The following SWAP70 variants were observed in gnomAD, a reference collection of about 807,000 sequenced individuals.
SWAP70 encodes the protein switching B cell complex subunit SWAP70.
A neutral mutation model predicts 80.2 loss-of-function variants in SWAP70; 34 were observed. The observed-to-expected ratio is 0.42, with a 90% confidence interval of 0.32 to 0.56. SWAP70 has a LOEUF of 0.56. Among genes scored for constraint, SWAP70 ranks in the 20% least tolerant of loss-of-function variants. SWAP70 has a pLI of 0.09. For missense variants in SWAP70, 578 were observed against 690.7 expected (o/e 0.84, Z 1.83); for synonymous variants, 239 against 238.5 (o/e 1.00, Z -0.02).
At chr11:9,716,569 T>C (rs1851068912) in intron 3 of SWAP70, among the ~76,000 whole-genome samples, 1 of 152,184 alleles carries the variant, frequency 6.6e-6, no homozygotes, top group East Asian at 1.9e-4. Context: ...TCTGTGAGGA[T>C]TGAAAAAGTT....
chr11:9,712,829 C>T (rs909694820), intron 2 of SWAP70, among the ~76,000 whole-genome samples: 5 of 151,436 alleles, frequency 3.3e-5, no homozygotes, highest in Non-Finnish European at 7.4e-5. Flanking sequence ...ACCTCCGCCT[C>T]CCGGGTTCAG....
chr11:9,667,648 A>G (rs937006970), intron 1 of SWAP70, among the ~76,000 whole-genome samples: 1 of 150,078 alleles, frequency 6.7e-6, no homozygotes, highest in Admixed American at 6.6e-5. Context: ...ATGCAGCCTC[A>G]ACCTCCTGGG....
intron 7 of SWAP70, among the ~76,000 whole-genome samples, chr11:9,733,494 T>G (rs1323358632): frequency 6.6e-6 from 1 of 152,234 alleles, no homozygotes; most frequent in African/African-American, 2.4e-5. Context: ...CCACATTGTG[T>G]GCTGAACTTC....
intron 1 of SWAP70, among the ~76,000 whole-genome samples, chr11:9,685,560 C>T (rs187444490): frequency 1.1e-4 from 17 of 152,144 alleles, no homozygotes; most frequent in East Asian, 5.8e-4. Context: ...TCCCTTCAAC[C>T]TCTTTTATAA....
intron 3 of SWAP70, among the ~76,000 whole-genome samples, chr11:9,719,824 G>A (rs1490938907): frequency 6.6e-6 from 1 of 152,126 alleles, no homozygotes; most frequent in Non-Finnish European, 1.5e-5. Context: ...TGGAAGAATT[G>A]CCTTGATGCA....
At chr11:9,667,887 G>A (rs909160703) in intron 1 of SWAP70, among the ~76,000 whole-genome samples, 5 of 152,118 alleles carry the variant, frequency 3.3e-5, no homozygotes, top group African/African-American at 1.2e-4. Context: ...TACTATTACT[G>A]TTGTATTTTT....
chr11:9,730,391 C>T lies in SWAP70; in HGVS notation c.898+940C>T, dbSNP rs555448284. Among the ~76,000 whole-genome samples the T allele has an allele frequency of 2.7e-5, 4 of 150,286 alleles. No individual in the cohort carries two copies. In the East Asian group the frequency reaches 8.0e-4, roughly 30 times the overall value. On this transcript the variant is annotated intron_variant, in intron 6 of 11. Coordinates refer to ENST00000318950, the MANE Select transcript of SWAP70 (RefSeq NM_015055.4). The stretch of plus-strand genomic sequence containing the variant: ...TGTTTATGGGTTATTTCAAGAAATA[C>T]TTCAAGATAATAGCCTCCAGTTCTA...
At chr11:9,694,098 A>G (rs772166005) in intron 1 of SWAP70, 48 bp from the exon 2 acceptor site, 5 of 1,517,188 alleles carry the variant, frequency 3.3e-6, no homozygotes, top group Non-Finnish European at 4.4e-6. Context: ...TGAAGGTGTC[A>G]TGTGCTGGTT....
intron 2 of SWAP70, among the ~76,000 whole-genome samples, chr11:9,703,097 A>G (rs552052596): frequency 6.6e-6 from 1 of 152,198 alleles, no homozygotes; most frequent in South Asian, 2.1e-4. Flanking sequence ...CCTCTCCCCT[A>G]TAGCTCTAGG....
intron 3 of SWAP70, 144 bp downstream of exon 3, chr11:9,713,783 T>C (rs1164591459): frequency 2.1e-6 from 2 of 953,256 alleles, no homozygotes; most frequent in Admixed American, 2.4e-5. Context: ...AGCCTGAGTA[T>C]AGAAAAGCTC....
At chr11:9,670,708 G>T (rs1041129877) in intron 1 of SWAP70, among the ~76,000 whole-genome samples, 1 of 151,822 alleles carries the variant, frequency 6.6e-6, no homozygotes, top group African/African-American at 2.4e-5. Flanking sequence ...AGGAAAACAT[G>T]GTCTCATACC....
chr11:9,741,870 G>T (rs1590048362), intron 9 of SWAP70: 1 of 143,908 alleles, frequency 6.9e-6, no homozygotes, highest in Admixed American at 7.3e-5. Flanking sequence ...TTGGGAGGCC[G>T]AGGCTGGAGG....
At chr11:9,682,146 T>C (rs1186049787) in intron 1 of SWAP70, among the ~76,000 whole-genome samples, 1 of 152,174 alleles carries the variant, frequency 6.6e-6, no homozygotes, top group Non-Finnish European at 1.5e-5. Context: ...TGACAGGACC[T>C]GAGAGGGGAG....
intron 2 of SWAP70, among the ~76,000 whole-genome samples, chr11:9,705,661 CTGGTGATCTGTGTACACT>C (rs1850898882): frequency 7.0e-6 from 1 of 142,698 alleles, no homozygotes; most frequent in Middle Eastern, 3.8e-3. Context: ...TCTGTATACA[CTGGTGATCTGTGTACACT>C]TGGTGATCTG....
At position 9,664,166 on chromosome 11, in the gene SWAP70, G is replaced by C. The variant is rs1850278377; in HGVS notation, c.-14G>C. ...CTGGGCAGGAGGGGTTGGCGGGGCAGCAGGGCCGCGGCCATGGGGAGCTTG... is the reference window on the plus strand; with the variant it reads ...CTGGGCAGGAGGGGTTGGCGGGGCACCAGGGCCGCGGCCATGGGGAGCTTG... On this transcript the variant is annotated 5_prime_UTR_variant, in exon 1 of 12. Transcript: ENST00000318950. 1 of 1,559,772 alleles carries C rather than the reference G, an allele frequency of 6.4e-7. No homozygotes were observed. Among genetic ancestry groups the C allele is most frequent in the Non-Finnish European group, 8.7e-7 (1 of 1,155,108 alleles).
rs1850728678 is a variant in SWAP70 at position 9,694,282 on chromosome 11, A to G, written c.236A>G (p.Glu79Gly). Residue 79 changes from glutamate to glycine, a missense_variant, in exon 2 of 12, where the codon GAA becomes GGA. By Grantham distance (98) the Glu-to-Gly change is moderately conservative. Transcript: ENST00000318950. ...CCTTATTTAAACAGGTTCATTTTGG[A>G]AAAGGTATGATTCTAACCTTTTTTT... ...YMPYLNRFIL[E>G]KVQDNFDKIE... 6.2e-7 allele frequency: 1 copy of G among 1,610,286 alleles called. No individual in the cohort carries two copies. Among genetic ancestry groups the G allele is most frequent in the Non-Finnish European group, 8.5e-7 (1 of 1,178,442 alleles).
At chr11:9,668,436 T>G (rs1387698716) in intron 1 of SWAP70, among the ~76,000 whole-genome samples, 7 of 152,244 alleles carry the variant, frequency 4.6e-5, no homozygotes. Context: ...TGGGATTGGT[T>G]CAGTTCTGTT....
intron 1 of SWAP70, among the ~76,000 whole-genome samples, chr11:9,685,933 C>T (rs1206219848): frequency 6.6e-6 from 1 of 151,702 alleles, no homozygotes; most frequent in Non-Finnish European, 1.5e-5. Flanking sequence ...TTGCTCCCGG[C>T]GAGGCCTCAC....
At chr11:9,710,313 AAAAAG>A (rs1401874247) in intron 2 of SWAP70, among the ~76,000 whole-genome samples, 3 of 152,236 alleles carry the variant, frequency 2.0e-5, no homozygotes, top group Non-Finnish European at 2.9e-5. Context: ...TGATAAGGCA[AAAAAG>A]AAAAGCAGCA....
Sources: allele counts gnomAD v4.1 joint callset (sites outside exome capture counted in the v4.1 genomes callset), GRCh38; gene constraint gnomAD v4.1.1; transcripts MANE v1.5; gene names NCBI Gene and HGNC (gene_info 2026-07-23, HGNC 2026-07-21).